The following TENM2 variants were observed in gnomAD, a reference collection of about 807,000 sequenced individuals.
TENM2 encodes the protein teneurin-2.
TENM2 carries 52 observed loss-of-function variants against 245.2 expected under a neutral mutation model. That is an observed-to-expected ratio of 0.21 (90% CI 0.17 to 0.27). TENM2 has a LOEUF of 0.27. Ranked by LOEUF, TENM2 falls within the 10% of genes least tolerant of loss-of-function variation. The probability of loss-of-function intolerance (pLI) is 1.00; values close to 1 mark genes in which losing one functional copy is unlikely to be tolerated. For missense variants in TENM2, 3,046 were observed against 3,666.8 expected (o/e 0.83, Z 4.37); for synonymous variants, 1,363 against 1,438.9 (o/e 0.95, Z 1.19).
At chr5:167,543,418 T>A (rs1235747652) in intron 2 of TENM2, among the ~76,000 whole-genome samples, 1 of 152,124 alleles carries the variant, frequency 6.6e-6, no homozygotes, top group African/African-American at 2.4e-5. Flanking sequence ...ACAGCCAAGG[T>A]GCCTGGATAT....
At chr5:167,553,183 T>C (rs1773067461) in intron 2 of TENM2, among the ~76,000 whole-genome samples, 1 of 152,118 alleles carries the variant, frequency 6.6e-6, no homozygotes, top group Admixed American at 6.5e-5. Flanking sequence ...TGAAGAATAG[T>C]GAACTATGTG....
chr5:167,250,702 C>T, the TENM2 span, among the ~76,000 whole-genome samples: 1 of 152,112 alleles, frequency 6.6e-6, no homozygotes, highest in Admixed American at 6.5e-5. Context: ...TTCACAGAAA[C>T]ATGTGTCCTA....
the TENM2 span, among the ~76,000 whole-genome samples, chr5:166,987,332 G>C: frequency 1.3e-5 from 2 of 152,064 alleles, no homozygotes; most frequent in Non-Finnish European, 2.9e-5. Context: ...GATGATTGCT[G>C]TCTGCTCTAG....
At chr5:167,475,502 A>C in intron 2 of TENM2, among the ~76,000 whole-genome samples, 1 of 152,170 alleles carries the variant, frequency 6.6e-6, no homozygotes, top group Admixed American at 6.5e-5. Context: ...TTTTACTTTA[A>C]GTTCTGGGAT....
intron 27 of TENM2, among the ~76,000 whole-genome samples, chr5:168,249,453 G>GGTGTGTGTGTGTGTGTGTGTGTGT (rs3084277): frequency 4.0e-5 from 6 of 148,806 alleles, no homozygotes; most frequent in African/African-American, 1.5e-4. Context: ...GTTCTCTCAA[G>GGTGTGTGTGTGTGTGTGTGTGTGT]GTGTGTGTGT....
At chr5:167,048,505 A>G in the TENM2 span, among the ~76,000 whole-genome samples, 1 of 152,196 alleles carries the variant, frequency 6.6e-6, no homozygotes, top group South Asian at 2.1e-4. Flanking sequence ...TAACCACAAA[A>G]TTATATGCAG....
intron 4 of TENM2, among the ~76,000 whole-genome samples, chr5:167,958,641 G>A (rs1426549497): frequency 2.0e-5 from 3 of 152,078 alleles, no homozygotes; most frequent in Non-Finnish European, 4.4e-5. Flanking sequence ...CATGTTTAGT[G>A]CCTCCTTCAG....
At chr5:167,326,999 A>T (rs1431107372) in intron 1 of TENM2, among the ~76,000 whole-genome samples, 1 of 152,192 alleles carries the variant, frequency 6.6e-6, no homozygotes, top group Non-Finnish European at 1.5e-5. Context: ...CAAATTCTGA[A>T]TAACATTAAA....
At chr5:167,751,977 T>C (rs1212278409) in intron 2 of TENM2, among the ~76,000 whole-genome samples, 3 of 137,586 alleles carry the variant, frequency 2.2e-5, no homozygotes, top group South Asian at 2.4e-4. Flanking sequence ...CACACACACA[T>C]GCGCGCACAC....
At chr5:167,903,341 G>C (rs1775855425) in intron 3 of TENM2, among the ~76,000 whole-genome samples, 1 of 152,094 alleles carries the variant, frequency 6.6e-6, no homozygotes, top group Admixed American at 6.6e-5. Flanking sequence ...TAAGATTTTG[G>C]AGTAATAAAA....
chr5:167,448,873 C>T (rs1199997508), intron 2 of TENM2, among the ~76,000 whole-genome samples: 4 of 151,906 alleles, frequency 2.6e-5, no homozygotes, highest in African/African-American at 9.7e-5. Context: ...TCTTGTGGTT[C>T]TTAACCTATT....
chr5:167,033,979 A>AT, the TENM2 span, among the ~76,000 whole-genome samples: 2 of 152,194 alleles, frequency 1.3e-5, no homozygotes, highest in African/African-American at 2.4e-5. Context: ...GAGATTTTTT[A>AT]TTTTTCCCAC....
chr5:167,766,043 T>C (rs987670018), intron 2 of TENM2, among the ~76,000 whole-genome samples: 3 of 152,020 alleles, frequency 2.0e-5, no homozygotes, highest in African/African-American at 7.2e-5. Context: ...AGAGAGACAA[T>C]AAAATAAATG....
the TENM2 span, among the ~76,000 whole-genome samples, chr5:167,207,384 C>T: frequency 6.6e-6 from 1 of 152,118 alleles, no homozygotes; most frequent in Non-Finnish European, 1.5e-5. Context: ...GAATATAGGC[C>T]TGGTGAGATC....
chr5:167,928,712 G>A (rs2151683229), intron 3 of TENM2, among the ~76,000 whole-genome samples: 1 of 151,680 alleles, frequency 6.6e-6, no homozygotes, highest in African/African-American at 2.4e-5. Context: ...TGGCAAACGT[G>A]GTGAAACCCC....
At chr5:167,929,505 C>G (rs1778118356) in intron 3 of TENM2, among the ~76,000 whole-genome samples, 1 of 152,218 alleles carries the variant, frequency 6.6e-6, no homozygotes. Flanking sequence ...TTGAAGTCAT[C>G]TGTCTCTCTT....
chr5:168,126,705 A>G lies in TENM2; in HGVS notation c.2210-49A>G. On this transcript the variant is annotated intron_variant, in intron 11 of 28. Coordinates refer to ENST00000518659, the Ensembl canonical transcript of TENM2. The stretch of plus-strand genomic sequence containing the variant: ...ATGTGCGTGGTCTGGACTCCATGGA[A>G]GGTTTCACCAGCTGTGGTGTTGAGC... The G allele has an allele frequency of 2.0e-6, 3 of 1,508,558 alleles. No individual in the cohort carries two copies. The South Asian group carries it at 3.8e-5, about 19-fold the overall frequency. The allele number at this position is 1,508,558 out of a possible 1,614,324, so 93.4% of individuals were successfully genotyped here.
rs138809795 is a variant in TENM2, at chr5:167,460,462, G to A, written c.502+84989G>A. Among the ~76,000 whole-genome samples, 1,110 of 152,190 alleles carry A rather than the reference G, an allele frequency of 7.3e-3. 11 individuals are homozygous for A. The highest frequency in any genetic ancestry group is 0.025 in the African/African-American group (1,027 of 41,556). The stretch of plus-strand genomic sequence containing the variant: ...GGATTCAGCTTAAAAACTGTGAAGG[G>A]TTCTTTTAAAATTTTATTTGCACTG... On this transcript the variant is annotated intron_variant, in intron 2 of 28. Transcript: ENST00000518659.
the TENM2 span, among the ~76,000 whole-genome samples, chr5:167,074,162 C>T: frequency 2.6e-5 from 4 of 152,266 alleles, no homozygotes; most frequent in African/African-American, 9.6e-5. Context: ...ACATCAGCTA[C>T]AGCATATTTT....
Sources: allele counts gnomAD v4.1 joint callset (sites outside exome capture counted in the v4.1 genomes callset), GRCh38; gene constraint gnomAD v4.1.1; transcripts MANE v1.5; gene names NCBI Gene and HGNC (gene_info 2026-07-23, HGNC 2026-07-21).